PJA2: variants seen among roughly 807,000 people sequenced by gnomAD.
The protein encoded by PJA2 is E3 ubiquitin-protein ligase Praja-2.
PJA2 carries 25 observed loss-of-function variants against 69.3 expected under a neutral mutation model. The observed-to-expected ratio is 0.36, with a 90% confidence interval of 0.26 to 0.50. The LOEUF is 0.50. PJA2 is among the 20% of genes least tolerant of loss of function. PJA2 has a pLI of 0.96. For synonymous variants in PJA2, 308 were observed against 277.8 expected, an observed-to-expected ratio of 1.11 and a Z score of -1.08; for missense variants, 809 against 830.2, an observed-to-expected ratio of 0.97 and a Z score of 0.31.
chr5:109,335,533 CAGTA>C lies in PJA2; in HGVS notation c.*1694_*1697del, dbSNP rs1360468986. The C allele has an allele frequency of 1.3e-5, 2 of 152,026 alleles. No homozygotes were observed. The highest frequency in any genetic ancestry group is 2.9e-5 in the Non-Finnish European group (2 of 67,936). 9.4% of individuals were successfully genotyped at this position (152,026 alleles called of 1,614,324 possible). ...AAATCTTTAGCAACGTAAGTTTAAC[CAGTA>C]AGTGTCACAACTGATCAACAGTACT... On this transcript the variant is annotated 3_prime_UTR_variant, in exon 10 of 10. Transcript: ENST00000361189.
chr5:109,351,751 A>C (rs1327998748), intron 7 of PJA2, among the ~76,000 whole-genome samples: 2 of 152,132 alleles, frequency 1.3e-5, no homozygotes, highest in African/African-American at 2.4e-5. Flanking sequence ...AGTATTGGGA[A>C]AATAACAGAA....
chr5:109,336,587 T>C lies in PJA2; in HGVS notation c.*644A>G, dbSNP rs986524398. The C allele has an allele frequency of 1.2e-4, 19 of 152,128 alleles. No homozygotes were observed. Among genetic ancestry groups the C allele is most frequent in the African/African-American group, 4.6e-4 (19 of 41,394 alleles). 9.4% of individuals were successfully genotyped at this position (152,128 alleles called of 1,614,324 possible). A position where few individuals can be genotyped will look rare whatever the true frequency, so the allele number is the denominator to read the frequency against. On this transcript the variant is annotated 3_prime_UTR_variant, in exon 10 of 10. Transcript: ENST00000361189. ...CCTTACGTTAAGCACATCCACTGGT[T>C]TCATTAAGGATTTTACTACCTAACT...
Position 109,378,579 on chromosome 5 carries a change from T to C in PJA2, c.908A>G (p.Glu303Gly). ...TTCAGGAGAACTTCCATGGTTCTTT[T>C]CCCTATCATTGGTATTTTGTTCACT... ...ICSEQNTNDR[E>G]KNHGSSPEQV... Residue 303 changes from glutamate to glycine, a missense_variant, in exon 4 of 10, where the codon GAA (glutamate) becomes GGA (glycine). Around this residue, in one of 4 missense-constraint regions of PJA2, gnomAD observed 700 missense variants for 639.5 expected, o/e 1.09. Coordinates refer to ENST00000361189, the MANE Select transcript of PJA2 (RefSeq NM_014819.5). 1 of 1,614,176 alleles carries C rather than the reference T, an allele frequency of 6.2e-7. No homozygotes were observed. The highest frequency in any genetic ancestry group is 8.5e-7 in the Non-Finnish European group (1 of 1,180,016).
At position 109,384,798 on chromosome 5, in the gene PJA2, T is replaced by C. The variant is rs200244876; in HGVS notation, c.-87-1278A>G. Among the ~76,000 whole-genome samples the C allele has an allele frequency of 1.7e-4, 26 of 152,058 alleles. 1 individual carries two copies. In the East Asian group the frequency reaches 4.1e-3, roughly 24 times the overall value. ...TAATCTTAACATACTGGCAAAAACATAGGTGCTAATTAACAGTGTTTTAAC... is the reference window on the plus strand; with the variant it reads ...TAATCTTAACATACTGGCAAAAACACAGGTGCTAATTAACAGTGTTTTAAC... On this transcript the variant is annotated intron_variant, in intron 1 of 9. Transcript: ENST00000361189.
At chr5:109,356,792 C>T (rs1762419675) in intron 6 of PJA2, among the ~76,000 whole-genome samples, 1 of 151,964 alleles carries the variant, frequency 6.6e-6, no homozygotes, top group Admixed American at 6.6e-5. Flanking sequence ...GATTAGGCCA[C>T]CTCCATTATT....
At chr5:109,365,781 A>T (rs75402669) in intron 5 of PJA2, among the ~76,000 whole-genome samples, 4,620 of 152,244 alleles carry the variant, frequency 0.03, 91 homozygotes, top group Middle Eastern at 0.048. Context: ...AGTGAAAAGA[A>T]TTTTTTTAGT....
intron 9 of PJA2, among the ~76,000 whole-genome samples, chr5:109,342,545 C>T (rs1404130679): frequency 4.3e-5 from 5 of 115,822 alleles, no homozygotes; most frequent in African/African-American, 1.4e-4. Flanking sequence ...CTCCCCCACC[C>T]GGCCAGCCGC....
chr5:109,354,963 AC>A (rs564080815), intron 7 of PJA2, among the ~76,000 whole-genome samples: 9 of 151,766 alleles, frequency 5.9e-5, no homozygotes, highest in Admixed American at 2.0e-4. Flanking sequence ...AAAAAACCCC[AC>A]AAAAAACCAA....
chr5:109,375,309 AGACCAGCAT>A (rs1470632904), intron 4 of PJA2, among the ~76,000 whole-genome samples: 1 of 152,164 alleles, frequency 6.6e-6, no homozygotes, highest in East Asian at 1.9e-4. Flanking sequence ...CACAGGTTCA[AGACCAGCAT>A]GACCAACATG....
rs1480440845 is a variant in PJA2 at position 109,335,749 on chromosome 5, A to T, written c.*1482T>A. 1 of 152,644 alleles carries T rather than the reference A, an allele frequency of 6.6e-6. No homozygotes were observed. The highest frequency in any genetic ancestry group is 1.5e-5 in the Non-Finnish European group (1 of 68,030). 9.5% of individuals were successfully genotyped at this position (152,644 alleles called of 1,614,324 possible). A position where few individuals can be genotyped will look rare whatever the true frequency, so the allele number is the denominator to read the frequency against. ...CAGTGACTATATACATCAGAGGGAA[A>T]ACATGCTAGCTAATGCAACATTAAG... On this transcript the variant is annotated 3_prime_UTR_variant, in exon 10 of 10. Transcript: ENST00000361189.
intron 6 of PJA2, among the ~76,000 whole-genome samples, chr5:109,362,237 T>A (rs1184945210): frequency 1.3e-5 from 2 of 152,228 alleles, no homozygotes; most frequent in Non-Finnish European, 2.9e-5. Flanking sequence ...ACTTTAAAGA[T>A]ACTATAAACC....
At chr5:109,387,706 A>C (rs1252029007) in intron 1 of PJA2, among the ~76,000 whole-genome samples, 2 of 152,224 alleles carry the variant, frequency 1.3e-5, no homozygotes, top group Non-Finnish European at 2.9e-5. Flanking sequence ...TTATCATTTC[A>C]ACCAGGATAT....
chr5:109,409,875 G>T lies in PJA2; in HGVS notation c.-121C>A, dbSNP rs931295965. The T allele has an allele frequency of 6.2e-6, 1 of 161,390 alleles. No individual in the cohort carries two copies. Among genetic ancestry groups the T allele is most frequent in the South Asian group, 1.2e-4 (1 of 8,114 alleles). The allele number at this position is 161,390 out of a possible 1,614,324, so 10.0% of individuals were successfully genotyped here. On this transcript the variant is annotated 5_prime_UTR_variant, in exon 1 of 10. Coordinates refer to ENST00000361189, the MANE Select transcript of PJA2 (RefSeq NM_014819.5). ...GCAGCGGCTCCGGAGCGAGAACAGC[G>T]CTCGAACCTCCACCCGCCACCACCG...
At chr5:109,406,134 C>T (rs998134100) in intron 1 of PJA2, among the ~76,000 whole-genome samples, 7 of 151,556 alleles carry the variant, frequency 4.6e-5, no homozygotes, top group Non-Finnish European at 7.4e-5. Flanking sequence ...AGCTCCACCT[C>T]CCGGGTTCAC....
chr5:109,382,989 A>G lies in PJA2; in HGVS notation c.31+414T>C, dbSNP rs114635888. Reference sequence around the variant, plus strand: ...ATAATACACGCACATATCGAGTATAAATAATATCAAGTGTTACACTTATTT... The same window carrying G: ...ATAATACACGCACATATCGAGTATAGATAATATCAAGTGTTACACTTATTT... On this transcript the variant is annotated intron_variant, in intron 2 of 9. Transcript: ENST00000361189. Among the ~76,000 whole-genome samples the G allele has an allele frequency of 8.4e-3, 1,283 of 152,346 alleles. 22 individuals are homozygous for G. Among genetic ancestry groups the G allele is most frequent in the African/African-American group, 0.029 (1,194 of 41,564 alleles).
intron 1 of PJA2, among the ~76,000 whole-genome samples, chr5:109,392,818 C>T (rs116062216): frequency 0.037 from 5,593 of 152,156 alleles, 144 homozygotes; most frequent in Middle Eastern, 0.11. Flanking sequence ...GATGCAGAAA[C>T]GAAATCCGGC....
intron 7 of PJA2, among the ~76,000 whole-genome samples, chr5:109,345,522 A>AAAG (rs1762158970): frequency 6.6e-6 from 1 of 151,588 alleles, no homozygotes; most frequent in Admixed American, 6.6e-5. Context: ...TCAAAAAAAA[A>AAAG]AAAAAAAAAA....
At chr5:109,386,761 T>A (rs1343884162) in intron 1 of PJA2, among the ~76,000 whole-genome samples, 2 of 152,188 alleles carry the variant, frequency 1.3e-5, no homozygotes, top group African/African-American at 4.8e-5. Context: ...CATACTTTAG[T>A]ACAGTTCAAG....
At chr5:109,403,360 G>C (rs1463900747) in intron 1 of PJA2, among the ~76,000 whole-genome samples, 1 of 151,938 alleles carries the variant, frequency 6.6e-6, no homozygotes, top group African/African-American at 2.4e-5. Context: ...ATTTATTAAA[G>C]GATAATTGGA....
Sources: gnomAD v4.1 joint callset for allele counts (sites outside exome capture counted in the v4.1 genomes callset) on GRCh38, gnomAD v4.1.1 for gene constraint, gnomAD v4.1.1 regional missense constraint, MANE v1.5 for transcripts, NCBI Gene and HGNC (gene_info 2026-07-23, HGNC 2026-07-21) for gene names.